SLIT2: variants seen among roughly 807,000 people sequenced by gnomAD.
SLIT2 encodes the protein slit homolog 2 protein.
Under a neutral mutation model 185.7 loss-of-function variants are expected in SLIT2, and 41 were observed. The observed-to-expected ratio is 0.22, with a 90% CI of 0.17 to 0.29. The LOEUF (loss-of-function observed/expected upper bound fraction) is 0.29, where lower values mean the gene tolerates loss of function less well. Ranked by LOEUF, SLIT2 falls within the 10% of genes least tolerant of loss-of-function variation. The pLI, the probability that SLIT2 is intolerant of heterozygous loss-of-function variation, is 1.00. For synonymous variants in SLIT2, 693 were observed against 680.2 expected, an observed-to-expected ratio of 1.02 and a Z score of -0.29; for missense variants, 1,571 against 1,909.0, an observed-to-expected ratio of 0.82 and a Z score of 3.30.
At chr4:20,499,891 A>G (rs1718560137) in intron 9 of SLIT2, among the ~76,000 whole-genome samples, 1 of 152,182 alleles carries the variant, frequency 6.6e-6, no homozygotes, top group South Asian at 2.1e-4. Context: ...GTACTCATCA[A>G]AGTATGAATT....
intron 30 of SLIT2, among the ~76,000 whole-genome samples, chr4:20,592,495 G>T (rs1158203015): frequency 6.6e-6 from 1 of 152,038 alleles, no homozygotes; most frequent in Admixed American, 6.5e-5. Flanking sequence ...TCAGTCTGAG[G>T]AGCAAAAGAA....
intron 4 of SLIT2, among the ~76,000 whole-genome samples, chr4:20,429,108 G>T (rs148186867): frequency 2.9e-4 from 44 of 152,168 alleles, no homozygotes; most frequent in African/African-American, 1.1e-3. Flanking sequence ...TGGGGATCAG[G>T]CTGCCTCTTA....
intron 4 of SLIT2, among the ~76,000 whole-genome samples, chr4:20,455,960 A>G (rs988022344): frequency 3.3e-5 from 5 of 152,102 alleles, no homozygotes; most frequent in Non-Finnish European, 7.4e-5. Flanking sequence ...CAAGAATCAT[A>G]TTTTAGTTGA....
chr4:20,283,767 A>G (rs755104284), intron 4 of SLIT2, among the ~76,000 whole-genome samples: 51 of 152,218 alleles, frequency 3.4e-4, no homozygotes, highest in Non-Finnish European at 4.0e-4. Flanking sequence ...AATAAACAAT[A>G]TAAATAATTT....
chr4:20,618,811 G>A lies in SLIT2; in HGVS notation c.4392G>A (p.Lys1464=), dbSNP rs371381531. 21 of 1,609,756 alleles carry A rather than the reference G, an allele frequency of 1.3e-5. 1 individual carries two copies. The African/African-American group carries it at 2.7e-4, about 20-fold the overall frequency. ...RGERIRDYYQ[K]QQGYAACQTT... ...AAAGGATAAGAGATTATTACCAAAAGCAGCAGGGCTATGCTGCTTGCCAAA... is the reference window on the plus strand; with the variant it reads ...AAAGGATAAGAGATTATTACCAAAAACAGCAGGGCTATGCTGCTTGCCAAA... The change falls in exon 37 of 37, where the codon AAG becomes AAA. Residue 1464 remains lysine, a synonymous_variant. Transcript: ENST00000504154.
chr4:20,293,851 G>A lies in SLIT2; in HGVS notation c.395+24970G>A, dbSNP rs528036590. On this transcript the variant is annotated intron_variant, in intron 4 of 36. Coordinates refer to ENST00000504154, the MANE Select transcript of SLIT2 (RefSeq NM_004787.4). ...CCTTCACTGTGGCTCAGGGATGTGG[G>A]CTTCCTGTGTGAAGGTCCTCCCAAG... Among the ~76,000 whole-genome samples, 5 of 152,188 alleles carry A rather than the reference G, an allele frequency of 3.3e-5. No individual in the cohort carries two copies. In the South Asian group the frequency reaches 1.0e-3, roughly 32 times the overall value.
chr4:20,335,895 A>G (rs1720457129), intron 4 of SLIT2, among the ~76,000 whole-genome samples: 1 of 130,736 alleles, frequency 7.6e-6, no homozygotes, highest in South Asian at 2.8e-4. Context: ...CATGCCCAAC[A>G]TGATGGTATA....
At chr4:20,305,317 A>G (rs1283355412) in intron 4 of SLIT2, among the ~76,000 whole-genome samples, 4 of 152,184 alleles carry the variant, frequency 2.6e-5, no homozygotes, top group African/African-American at 9.7e-5. Context: ...TGAAATGGAG[A>G]CGGCTAGATC....
Position 20,252,196 on chromosome 4 carries a change from C to G in SLIT2, c.-1620C>G, listed in dbSNP as rs1034959829. Among the ~76,000 whole-genome samples, 16 of 152,036 alleles carry G rather than the reference C, an allele frequency of 1.1e-4. No homozygotes were observed. The highest frequency in any genetic ancestry group is 2.4e-4 in the Non-Finnish European group (16 of 67,990). ...TGGCTACGCTGAGCGCCAGTCAGCC[C>G]CAGCGAACAACTCCAGTTACGACAA... On this transcript the variant is annotated 5_prime_UTR_variant, in exon 1 of 37. Coordinates refer to ENST00000504154, the MANE Select transcript of SLIT2 (RefSeq NM_004787.4).
At chr4:20,363,045 A>G (rs1722861789) in intron 4 of SLIT2, among the ~76,000 whole-genome samples, 1 of 152,120 alleles carries the variant, frequency 6.6e-6, no homozygotes, top group Non-Finnish European at 1.5e-5. Context: ...TTGAACCATG[A>G]TAATCAAAGC....
intron 29 of SLIT2, 57 bp from the exon 30 acceptor site, chr4:20,589,587 C>T: frequency 7.8e-7 from 1 of 1,285,256 alleles, no homozygotes; most frequent in Non-Finnish European, 1.1e-6. Flanking sequence ...ACACAGTCTG[C>T]TGGCAGGAAG....
At chr4:20,480,978 A>G (rs774171902) in intron 6 of SLIT2, among the ~76,000 whole-genome samples, 191 bp downstream of exon 6, 5 of 152,116 alleles carry the variant, frequency 3.3e-5, no homozygotes, top group Non-Finnish European at 7.4e-5. Context: ...CCATATCTGT[A>G]TATTTAGGTA....
chr4:20,486,200 C>T lies in SLIT2; in HGVS notation c.540C>T (p.Leu180=). Residue 180 remains leucine, a splice_region_variant and synonymous_variant, in exon 7 of 37, where the codon CTC becomes CTT. Transcript: ENST00000504154. ...AFRALRDLEV[L]TLNNNNITRL... ...CTAACTTTTCTTTTTAATTCTACAG[C>T]ACTCTCAACAATAACAACATTACTA... 1 of 1,581,168 alleles carries T rather than the reference C, an allele frequency of 6.3e-7. No individual in the cohort carries two copies. The highest frequency in any genetic ancestry group is 8.7e-7 in the Non-Finnish European group (1 of 1,150,808).
chr4:20,532,157 G>A, intron 17 of SLIT2, 99 bp downstream of exon 17: 1 of 681,516 alleles, frequency 1.5e-6, no homozygotes, highest in Non-Finnish European at 2.4e-6. Context: ...TAAAAATCCT[G>A]GGAAATTTCC....
chr4:20,479,909 G>A (rs543207880), intron 5 of SLIT2, among the ~76,000 whole-genome samples: 1 of 152,212 alleles, frequency 6.6e-6, no homozygotes, highest in South Asian at 2.1e-4. Flanking sequence ...GTGTTTTTAT[G>A]ATGTGCCTGT....
At chr4:20,354,948 G>T (rs994382392) in intron 4 of SLIT2, among the ~76,000 whole-genome samples, 1 of 145,350 alleles carries the variant, frequency 6.9e-6, no homozygotes. Context: ...AGAGAGAGAA[G>T]CAAGGGCAAG....
chr4:20,482,910 A>G (rs1716848340), intron 6 of SLIT2, among the ~76,000 whole-genome samples: 1 of 151,922 alleles, frequency 6.6e-6, no homozygotes, highest in African/African-American at 2.4e-5. Flanking sequence ...AAATTGGAGC[A>G]CTGAAAAGAC....
At chr4:20,561,025 A>G (rs764496725) in intron 26 of SLIT2, among the ~76,000 whole-genome samples, 1 of 151,880 alleles carries the variant, frequency 6.6e-6, no homozygotes, top group Non-Finnish European at 1.5e-5. Context: ...TAATATATCT[A>G]TACCAGATGA....
chr4:20,289,768 C>G (rs968359756), intron 4 of SLIT2, among the ~76,000 whole-genome samples: 2 of 152,178 alleles, frequency 1.3e-5, no homozygotes, highest in Admixed American at 6.5e-5. Context: ...TCAGTGTTTT[C>G]TGAAGAAAGG....
Sources: allele counts gnomAD v4.1 joint callset (sites outside exome capture counted in the v4.1 genomes callset), GRCh38; gene constraint gnomAD v4.1.1; transcripts MANE v1.5; gene names NCBI Gene and HGNC (gene_info 2026-07-23, HGNC 2026-07-21).